The following RBFOX1 variants were observed in gnomAD, a reference collection of about 807,000 sequenced individuals.
RBFOX1 encodes RNA binding protein fox-1 homolog 1.
Under a neutral mutation model 57.7 loss-of-function variants are expected in RBFOX1, and 8 were observed. The observed-to-expected ratio is 0.14, with a 90% CI of 0.08 to 0.25. The LOEUF (loss-of-function observed/expected upper bound fraction) is 0.25, where lower values mean the gene tolerates loss of function less well. Among genes scored for constraint, RBFOX1 ranks in the 10% least tolerant of loss-of-function variants. RBFOX1 has a pLI of 1.00. For missense variants in RBFOX1, 611 were observed against 548.5 expected (o/e 1.11, Z -1.14); for synonymous variants, 326 against 222.4 (o/e 1.47, Z -4.15).
chr16:7,357,821 A>C (rs1007826443), intron 4 of RBFOX1, among the ~76,000 whole-genome samples: 6 of 151,630 alleles, frequency 4.0e-5, no homozygotes, highest in African/African-American at 7.3e-5. Context: ...CCCCTTCCTT[A>C]CTTTGTTACT....
At chr16:6,769,791 G>T (rs1405227393) in intron 3 of RBFOX1, among the ~76,000 whole-genome samples, 3 of 152,152 alleles carry the variant, frequency 2.0e-5, no homozygotes, top group African/African-American at 4.8e-5. Context: ...CTCTAGAAAA[G>T]TCAGGGTTTT....
At chr16:6,774,195 G>A (rs1035858913) in intron 3 of RBFOX1, among the ~76,000 whole-genome samples, 2 of 152,140 alleles carry the variant, frequency 1.3e-5, no homozygotes, top group Non-Finnish European at 2.9e-5. Context: ...GAGATTGCCT[G>A]TTATTAGTAG....
chr16:7,586,061 G>T (rs1173046234), intron 6 of RBFOX1, among the ~76,000 whole-genome samples: 1 of 152,130 alleles, frequency 6.6e-6, no homozygotes, highest in Non-Finnish European at 1.5e-5. Flanking sequence ...TGGAATGATA[G>T]GAAAGCTCAA....
At chr16:6,336,173 ATATATATATTTTTTTTTTTTTTTTT>A (rs1174519565) in intron 2 of RBFOX1, among the ~76,000 whole-genome samples, 92 of 34,144 alleles carry the variant, frequency 2.7e-3, no homozygotes, top group African/African-American at 7.8e-3. Flanking sequence ...ATATATATAT[ATATATATATTTTTTTTTTTTTTTTT>A]TTTTTTTTTT....
intron 3 of RBFOX1, among the ~76,000 whole-genome samples, chr16:6,670,066 C>T (rs532675802): frequency 6.6e-6 from 1 of 152,080 alleles, no homozygotes; most frequent in African/African-American, 2.4e-5. Context: ...CTAGTGTCCA[C>T]GTTGGAGTGC....
intron 1 of RBFOX1, among the ~76,000 whole-genome samples, chr16:6,194,211 C>G (rs2097165385): frequency 6.6e-6 from 1 of 152,130 alleles, no homozygotes; most frequent in Non-Finnish European, 1.5e-5. Flanking sequence ...CCATCTCAAC[C>G]TGAGGTCCTG....
At chr16:7,400,039 T>C (rs1370440702) in intron 4 of RBFOX1, among the ~76,000 whole-genome samples, 1 of 152,200 alleles carries the variant, frequency 6.6e-6, no homozygotes, top group African/African-American at 2.4e-5. Flanking sequence ...TGGCCTTCTC[T>C]GATTTATTGA....
chr16:7,232,107 T>C (rs1226202869), intron 4 of RBFOX1, among the ~76,000 whole-genome samples: 1 of 152,244 alleles, frequency 6.6e-6, no homozygotes, highest in East Asian at 1.9e-4. Flanking sequence ...CACTGCAAAT[T>C]CCACCTCCTA....
Position 7,423,319 on chromosome 16 carries a change from A to T in RBFOX1, c.28-94828A>T, listed in dbSNP as rs1489898399. ...ATTAGGTATTTTCTCACCAGTTCTAAACACAAAGAGTGCATCTTGCAAAAA... is the reference window on the plus strand; with the variant it reads ...ATTAGGTATTTTCTCACCAGTTCTATACACAAAGAGTGCATCTTGCAAAAA... On this transcript the variant is annotated intron_variant, in intron 4 of 15. Coordinates refer to ENST00000550418, the MANE Select transcript of RBFOX1 (RefSeq NM_018723.4). Among the ~76,000 whole-genome samples the T allele has an allele frequency of 5.3e-5, 8 of 152,132 alleles. No individual in the cohort carries two copies. The East Asian group carries it at 1.5e-3, about 29-fold the overall frequency.
intron 14 of RBFOX1, among the ~76,000 whole-genome samples, chr16:7,682,112 C>T (rs988836700): frequency 1.3e-5 from 2 of 152,110 alleles, no homozygotes; most frequent in Non-Finnish European, 2.9e-5. Flanking sequence ...TTCCTTCTCA[C>T]ATGCTGTTTA....
At chr16:6,606,870 C>T (rs2097938546) in intron 2 of RBFOX1, among the ~76,000 whole-genome samples, 1 of 152,074 alleles carries the variant, frequency 6.6e-6, no homozygotes, top group South Asian at 2.1e-4. Flanking sequence ...TGGGTATATA[C>T]CCAGTAATAG....
intron 3 of RBFOX1, among the ~76,000 whole-genome samples, chr16:5,684,201 G>C (rs1020203965): frequency 6.6e-6 from 1 of 152,124 alleles, no homozygotes; most frequent in South Asian, 2.1e-4. Flanking sequence ...AGAGGATGGC[G>C]CCCTCTTCGA....
At chr16:5,914,892 C>T (rs560894729) in intron 4 of RBFOX1, among the ~76,000 whole-genome samples, 1 of 151,794 alleles carries the variant, frequency 6.6e-6, no homozygotes, top group Non-Finnish European at 1.5e-5. Context: ...GATACTCTGT[C>T]TCAAAAACAA....
intron 2 of RBFOX1, among the ~76,000 whole-genome samples, chr16:6,408,139 C>T (rs1227603941): frequency 6.6e-6 from 1 of 152,116 alleles, no homozygotes; most frequent in Non-Finnish European, 1.5e-5. Flanking sequence ...GACTTCCCTG[C>T]CTCCAGAACT....
intron 2 of RBFOX1, among the ~76,000 whole-genome samples, chr16:6,537,135 G>A (rs1036324715): frequency 6.6e-6 from 1 of 151,994 alleles, no homozygotes; most frequent in Non-Finnish European, 1.5e-5. Flanking sequence ...CTTTTAGTGA[G>A]CACAGGGATC....
At chr16:6,546,427 G>C (rs980222671) in intron 2 of RBFOX1, among the ~76,000 whole-genome samples, 2 of 152,146 alleles carry the variant, frequency 1.3e-5, no homozygotes, top group African/African-American at 2.4e-5. Context: ...GTGTCAGCTG[G>C]GTCATGCTCC....
intron 4 of RBFOX1, among the ~76,000 whole-genome samples, chr16:7,470,755 A>C (rs1183247562): frequency 6.6e-6 from 1 of 152,104 alleles, no homozygotes; most frequent in African/African-American, 2.4e-5. Flanking sequence ...AGATTCCTCA[A>C]GGAGTAGAAT....
chr16:5,283,119 C>T (rs902535275), intron 1 of RBFOX1, among the ~76,000 whole-genome samples: 1 of 152,204 alleles, frequency 6.6e-6, no homozygotes, highest in Non-Finnish European at 1.5e-5. Context: ...CAAGCCTTAG[C>T]AGCTTTCACA....
chr16:7,229,642 AGGGAGAGAGAGGGAGGAAG>A (rs2093363467), intron 4 of RBFOX1, among the ~76,000 whole-genome samples: 1 of 105,286 alleles, frequency 9.5e-6, no homozygotes, highest in Non-Finnish European at 2.1e-5. Flanking sequence ...AAGGGAAGGA[AGGGAGAGAGAGGGAGGAAG>A]GGCAAAGGAA....
Sources: allele counts gnomAD v4.1 joint callset (sites outside exome capture counted in the v4.1 genomes callset), GRCh38; gene constraint gnomAD v4.1.1; transcripts MANE v1.5; gene names NCBI Gene and HGNC (gene_info 2026-07-23, HGNC 2026-07-21).